SCAF4: variants seen among roughly 807,000 people sequenced by gnomAD.
The protein encoded by SCAF4 is SR-related and CTD-associated factor 4.
SCAF4 carries 25 observed loss-of-function variants against 129.8 expected under a neutral mutation model. The ratio of observed to expected loss-of-function variants is 0.19; its 90% CI spans 0.14 to 0.27. The LOEUF is 0.27. Ranked by LOEUF, SCAF4 falls within the 10% of genes least tolerant of loss-of-function variation. The probability of loss-of-function intolerance (pLI) is 1.00; values close to 1 mark genes in which losing one functional copy is unlikely to be tolerated. For missense variants in SCAF4, 1,246 were observed against 1,457.1 expected, an observed-to-expected ratio of 0.86 and a Z score of 2.36; for synonymous variants, 551 against 497.7, an observed-to-expected ratio of 1.11 and a Z score of -1.43.
rs1188778575 is a variant in SCAF4, at chr21:31,693,448, T to A, written c.1359A>T (p.Arg453Ser). 6.5e-7 allele frequency: 1 copy of A among 1,543,040 alleles called. No individual in the cohort carries two copies. Among genetic ancestry groups the A allele is most frequent in the Middle Eastern group, 1.9e-4 (1 of 5,130 alleles). ...AACGTCGATGCCGAGACCTTCGAGA[T>A]CTAGAACCAGATCTAGATCGCCTCC... ...PKRRRSRSGS[R>S]SRRSRHRRSR... The change falls in exon 12 of 20, where the codon AGA becomes AGT. Residue 453 changes from arginine (R) to serine (S), a missense_variant. Coordinates refer to ENST00000286835, the MANE Select transcript of SCAF4 (RefSeq NM_020706.2).
At chr21:31,673,727 G>C (rs2049776130) in intron 19 of SCAF4, among the ~76,000 whole-genome samples, 1 of 152,234 alleles carries the variant, frequency 6.6e-6, no homozygotes, top group African/African-American at 2.4e-5. Flanking sequence ...AAATAGTGTA[G>C]TTCCAACACC....
chr21:31,722,004 GCC>G (rs2051082020), intron 1 of SCAF4, among the ~76,000 whole-genome samples: 1 of 152,080 alleles, frequency 6.6e-6, no homozygotes. Context: ...ACAGGCGTGA[GCC>G]ACCACGCCTG....
At chr21:31,728,163 G>T (rs2051255010) in intron 1 of SCAF4, among the ~76,000 whole-genome samples, 1 of 152,086 alleles carries the variant, frequency 6.6e-6, no homozygotes, top group Non-Finnish European at 1.5e-5. Context: ...CCTTGAAAAT[G>T]CTAAAGCCTC....
At chr21:31,685,516 T>C (rs766610602) in intron 17 of SCAF4, 32 bp from the exon 18 acceptor site, 5 of 1,613,294 alleles carry the variant, frequency 3.1e-6, no homozygotes, top group Non-Finnish European at 4.2e-6. Context: ...CAACTTATGC[T>C]GTATCACTCC....
At chr21:31,695,004 T>A in intron 9 of SCAF4, 24 bp from the exon 10 acceptor site, 1 of 1,591,456 alleles carries the variant, frequency 6.3e-7, no homozygotes, top group South Asian at 1.1e-5. Flanking sequence ...AGAAAGTGTA[T>A]GAGTAATAGC....
chr21:31,713,048 GTA>G (rs765108517), intron 1 of SCAF4: 4 of 178,640 alleles, frequency 2.2e-5, no homozygotes, highest in Non-Finnish European at 4.3e-5. Flanking sequence ...TTTATGCATG[GTA>G]TATTTTTCTC....
At chr21:31,711,501 T>C (rs1292392074) in intron 1 of SCAF4, among the ~76,000 whole-genome samples, 3 of 152,226 alleles carry the variant, frequency 2.0e-5, no homozygotes, top group African/African-American at 7.2e-5. Flanking sequence ...ACAACCTTTA[T>C]GGTGAGGCAG....
chr21:31,696,181 G>C lies in SCAF4; in HGVS notation c.1000C>G (p.Gln334Glu), dbSNP rs770285474. 13 of 1,613,796 alleles carry C rather than the reference G, an allele frequency of 8.1e-6. No individual in the cohort carries two copies. Among genetic ancestry groups the C allele is most frequent in the Non-Finnish European group, 1.1e-5 (13 of 1,179,948 alleles). Residue 334 changes from glutamine to glutamate, a missense_variant, in exon 9 of 20, where the codon CAG (glutamine) becomes GAG (glutamate). Physicochemically the swap from Gln to Glu is conservative, Grantham distance 29. Coordinates refer to ENST00000286835, the MANE Select transcript of SCAF4 (RefSeq NM_020706.2). ...TGAAACTGATCCATATTTTGATGCTGTGTGTATGCTGGCTGCTGCATGCCA... is the reference window on the plus strand; with the variant it reads ...TGAAACTGATCCATATTTTGATGCTCTGTGTATGCTGGCTGCTGCATGCCA... ...GDGMQQPAYT[Q>E]HQNMDQFQPR... is the part of the protein sequence containing the mutation.
intron 13 of SCAF4, 92 bp downstream of exon 13, chr21:31,692,257 C>T (rs113934093): frequency 1.1e-6 from 1 of 930,616 alleles, no homozygotes; most frequent in South Asian, 1.4e-5. Flanking sequence ...TAAACCTGGG[C>T]AAATTGTAAC....
chr21:31,680,664 C>T (rs1351070410), intron 19 of SCAF4, among the ~76,000 whole-genome samples: 1 of 152,116 alleles, frequency 6.6e-6, no homozygotes, highest in African/African-American at 2.4e-5. Context: ...TATGTTAGTA[C>T]TTTGAAAACT....
rs556341128 is a variant in SCAF4 at position 31,671,130 on chromosome 21, G to A, written c.*269C>T. ...AATTAAAAAAAAAAAAAAAAATAGA[G>A]AGCACTTCTAATTACGATTTGTAAA... On this transcript the variant is annotated 3_prime_UTR_variant, in exon 20 of 20. Coordinates refer to ENST00000286835, the MANE Select transcript of SCAF4 (RefSeq NM_020706.2). The A allele has an allele frequency of 4.1e-4, 114 of 275,304 alleles. 2 individuals are homozygous for A. Among genetic ancestry groups the A allele is most frequent in the African/African-American group, 2.4e-3 (106 of 44,454 alleles). The allele number at this position is 275,304 out of a possible 1,614,324, so 17.1% of individuals were successfully genotyped here. A position where few individuals can be genotyped will look rare whatever the true frequency, so the allele number is the denominator to read the frequency against.
chr21:31,681,777 T>C lies in SCAF4; in HGVS notation c.2488+3272A>G, dbSNP rs373189518. On this transcript the variant is annotated intron_variant, in intron 19 of 19. Coordinates refer to ENST00000286835, the MANE Select transcript of SCAF4 (RefSeq NM_020706.2). ...AATTCAGTAGTACAACTCAACTAATTACTCCCAAACTAACACCCGCACTTA... is the reference window on the plus strand; with the variant it reads ...AATTCAGTAGTACAACTCAACTAATCACTCCCAAACTAACACCCGCACTTA... 1.9e-3 allele frequency among the ~76,000 whole-genome samples: 292 copies of C among 152,300 alleles called. 2 individuals are homozygous for C. Among genetic ancestry groups the C allele is most frequent in the Non-Finnish European group, 3.1e-3 (208 of 68,022 alleles).
chr21:31,688,517 TTAAATC>T, intron 15 of SCAF4, 53 bp from the exon 16 acceptor site: 1 of 1,455,190 alleles, frequency 6.9e-7, no homozygotes, highest in Non-Finnish European at 9.5e-7. Flanking sequence ...GTTTGTAACT[TTAAATC>T]TAGAAATGAA....
intron 1 of SCAF4, among the ~76,000 whole-genome samples, chr21:31,730,682 G>C (rs2051328522): frequency 6.6e-6 from 1 of 152,182 alleles, no homozygotes; most frequent in African/African-American, 2.4e-5. Flanking sequence ...TTCCCATTCT[G>C]TAACTGCATT....
chr21:31,685,778 C>A (rs1302768793), intron 16 of SCAF4, 45 bp from the exon 17 acceptor site: 1 of 1,505,624 alleles, frequency 6.6e-7, no homozygotes, highest in East Asian at 2.3e-5. Context: ...TAGACACCCT[C>A]CCATCCACAC....
At chr21:31,725,278 T>A (rs1178050149) in intron 1 of SCAF4, among the ~76,000 whole-genome samples, 1 of 151,518 alleles carries the variant, frequency 6.6e-6, no homozygotes, top group Non-Finnish European at 1.5e-5. Flanking sequence ...AAAAAAAAAA[T>A]ACTTAATAAG....
rs1198717935 is a variant in SCAF4, at chr21:31,717,482, T to C, written c.31-11125A>G. Among the ~76,000 whole-genome samples, 9 of 152,274 alleles carry C rather than the reference T, an allele frequency of 5.9e-5. No homozygotes were observed. In the South Asian group the frequency reaches 1.2e-3, roughly 21 times the overall value. On this transcript the variant is annotated intron_variant, in intron 1 of 19. Coordinates refer to ENST00000286835, the MANE Select transcript of SCAF4 (RefSeq NM_020706.2). ...TTTTAAATGAAAACAATTAAATTCA[T>C]GGATTTAAAAATGAACTTTAATTTG...
chr21:31,676,164 C>T (rs1467385190), intron 19 of SCAF4, among the ~76,000 whole-genome samples: 3 of 152,142 alleles, frequency 2.0e-5, no homozygotes, highest in Admixed American at 1.3e-4. Context: ...AGAGGAACGA[C>T]TCAGTTCCTC....
At chr21:31,687,075 G>A (rs531211638) in intron 16 of SCAF4, among the ~76,000 whole-genome samples, 1 of 152,268 alleles carries the variant, frequency 6.6e-6, no homozygotes, top group East Asian at 1.9e-4. Context: ...TTAAATCACA[G>A]CCAAGAATGT....
Sources: allele counts gnomAD v4.1 joint callset (sites outside exome capture counted in the v4.1 genomes callset), GRCh38; gene constraint gnomAD v4.1.1; transcripts MANE v1.5; gene names NCBI Gene and HGNC (gene_info 2026-07-23, HGNC 2026-07-21).